The following NIPSNAP2 variants were observed in gnomAD, a reference collection of about 807,000 sequenced individuals.
The protein encoded by NIPSNAP2 is protein NipSnap homolog 2.
In NIPSNAP2, 42 loss-of-function variants were observed where a neutral mutation model predicts 48.4. That is an observed-to-expected ratio of 0.87 (90% CI 0.68 to 1.12). The LOEUF is 1.12. Ranked by LOEUF, NIPSNAP2 falls within the 50% of genes most tolerant of loss-of-function variation. The pLI, the probability that NIPSNAP2 is intolerant of heterozygous loss-of-function variation, is 0.00. For missense variants in NIPSNAP2, 314 were observed against 347.3 expected (o/e 0.90, Z 0.76); for synonymous variants, 158 against 126.6 (o/e 1.25, Z -1.67).
intron 1 of NIPSNAP2, among the ~76,000 whole-genome samples, chr7:55,972,840 C>T (rs953931097): frequency 3.3e-5 from 5 of 152,072 alleles, no homozygotes; most frequent in African/African-American, 7.2e-5. Context: ...TGGTGGTTCA[C>T]GCCTATAATC....
chr7:55,991,821 C>CACATAG, intron 7 of NIPSNAP2: 1 of 264,304 alleles, frequency 3.8e-6, no homozygotes, highest in South Asian at 4.3e-5. Flanking sequence ...TATATTTTGG[C>CACATAG]ACATAGGTAA....
At chr7:55,990,238 T>C (rs954513324) in intron 7 of NIPSNAP2, among the ~76,000 whole-genome samples, 2 of 150,464 alleles carry the variant, frequency 1.3e-5, no homozygotes, top group African/African-American at 4.9e-5. Flanking sequence ...TTTCTTTTTT[T>C]TTTTTTTTGA....
At position 55,978,168 on chromosome 7, in the gene NIPSNAP2, G is replaced by T; in HGVS notation, c.135G>T (p.Trp45Cys). 3.7e-6 allele frequency: 6 copies of T among 1,614,136 alleles called. No homozygotes were observed. The highest frequency in any genetic ancestry group is 5.1e-6 in the Non-Finnish European group (6 of 1,180,016). The change falls in exon 2 of 10, where the codon TGG (tryptophan) becomes TGT (cysteine). Residue 45 changes from tryptophan (W) to cysteine (C), a missense_variant. Physicochemically the swap from Trp to Cys is radical, Grantham distance 215. Around this residue, in one of 2 missense-constraint regions of NIPSNAP2, gnomAD observed 198 missense variants for 185.5 expected, o/e 1.07. Coordinates refer to ENST00000322090, the MANE Select transcript of NIPSNAP2 (RefSeq NM_001483.3). ...GCAACAGATCTCGAGAAGACAGCTG[G>T]CTAAAATCCTTATTTGTCCGGAAAG... ...SSSNRSREDS[W>C]LKSLFVRKVD...
intron 8 of NIPSNAP2, among the ~76,000 whole-genome samples, chr7:55,997,142 G>A (rs1055482898): frequency 6.7e-6 from 1 of 149,756 alleles, no homozygotes; most frequent in African/African-American, 2.5e-5. Context: ...CTGGTTGACA[G>A]AGTGACCTTG....
chr7:55,996,155 G>A (rs530870369), intron 8 of NIPSNAP2, among the ~76,000 whole-genome samples: 5 of 151,952 alleles, frequency 3.3e-5, no homozygotes, highest in African/African-American at 4.8e-5. Flanking sequence ...GCATGGAGGC[G>A]CATGCCTGTA....
At chr7:55,991,167 C>T (rs987413101) in intron 7 of NIPSNAP2, among the ~76,000 whole-genome samples, 1 of 152,142 alleles carries the variant, frequency 6.6e-6, no homozygotes, top group African/African-American at 2.4e-5. Context: ...CTGTCTCCAA[C>T]AAATAGTTCT....
At chr7:55,987,946 C>T (rs772734293) in intron 7 of NIPSNAP2, among the ~76,000 whole-genome samples, 5 of 152,064 alleles carry the variant, frequency 3.3e-5, no homozygotes, top group Non-Finnish European at 5.9e-5. Flanking sequence ...TCAATGTTAA[C>T]GTGTTTTTTT....
intron 1 of NIPSNAP2, among the ~76,000 whole-genome samples, chr7:55,976,847 A>G (rs1459891805): frequency 2.0e-5 from 3 of 152,176 alleles, no homozygotes; most frequent in African/African-American, 7.2e-5. Flanking sequence ...ACAGTGAGCT[A>G]TCGCACCACC....
chr7:55,991,993 A>G (rs1005661492), intron 7 of NIPSNAP2: 3 of 158,812 alleles, frequency 1.9e-5, no homozygotes, highest in African/African-American at 4.8e-5. Flanking sequence ...TTTTCTTCTG[A>G]ATAGAGTTAG....
In NIPSNAP2 at chr7:55,981,541, C is replaced by G; in HGVS notation, c.347C>G (p.Thr116Arg). The stretch of plus-strand genomic sequence containing the variant: ...TGTACTTTGGTGGGGACTTGGAACA[C>G]GTGGTATGGCGAGCAGGACCAAGCT... ...YPCTLVGTWN[T>R]WYGEQDQAVH... Residue 116 changes from threonine (T) to arginine (R), a missense_variant, in exon 4 of 10, where the codon ACG (threonine) becomes AGG (arginine). Transcript: ENST00000322090. The G allele has an allele frequency of 1.2e-6, 2 of 1,613,794 alleles. No individual in the cohort carries two copies. Among genetic ancestry groups the G allele is most frequent in the Non-Finnish European group, 8.5e-7 (1 of 1,179,800 alleles).
At chr7:55,965,792 G>T (rs1436863453) in intron 1 of NIPSNAP2, among the ~76,000 whole-genome samples, 1 of 152,130 alleles carries the variant, frequency 6.6e-6, no homozygotes, top group East Asian at 1.9e-4. Context: ...TGTTGGTCAG[G>T]CTGATCTCGA....
At chr7:55,985,108 A>G (rs1217979904) in intron 7 of NIPSNAP2, among the ~76,000 whole-genome samples, 2 of 152,176 alleles carry the variant, frequency 1.3e-5, no homozygotes, top group Non-Finnish European at 2.9e-5. Context: ...CACATGGCCA[A>G]TCTTGTTTAG....
At chr7:55,966,087 A>G (rs1474148095) in intron 1 of NIPSNAP2, among the ~76,000 whole-genome samples, 1 of 152,178 alleles carries the variant, frequency 6.6e-6, no homozygotes, top group Non-Finnish European at 1.5e-5. Context: ...CTTACCAGTA[A>G]TTCAGGAGGG....
chr7:55,966,454 G>A (rs1041392694), intron 1 of NIPSNAP2, among the ~76,000 whole-genome samples: 4 of 151,944 alleles, frequency 2.6e-5, no homozygotes, highest in Admixed American at 1.3e-4. Flanking sequence ...TAATAAATAA[G>A]TACATAAATA....
chr7:55,980,798 C>T (rs533678353), intron 3 of NIPSNAP2: 2 of 152,398 alleles, frequency 1.3e-5, no homozygotes, highest in African/African-American at 4.8e-5. Flanking sequence ...ACGTGACACC[C>T]CTCCCATCCC....
chr7:55,995,222 G>A (rs565942427), intron 8 of NIPSNAP2, among the ~76,000 whole-genome samples: 1 of 144,944 alleles, frequency 6.9e-6, no homozygotes, highest in African/African-American at 2.6e-5. Flanking sequence ...AGGAATAAGG[G>A]GTAAAGCAAG....
chr7:55,966,175 AACAG>A (rs1191819611), intron 1 of NIPSNAP2, among the ~76,000 whole-genome samples: 3 of 152,188 alleles, frequency 2.0e-5, no homozygotes, highest in African/African-American at 7.2e-5. Flanking sequence ...TGGAAACGCA[AACAG>A]ACAGTTGGCA....
chr7:55,981,075 G>A (rs1787205550), intron 3 of NIPSNAP2: 1 of 152,714 alleles, frequency 6.5e-6, no homozygotes, highest in African/African-American at 2.4e-5. Flanking sequence ...TTTCTTCTGT[G>A]TTCTTTTCTA....
At chr7:55,967,858 C>T (rs1353782272) in intron 1 of NIPSNAP2, among the ~76,000 whole-genome samples, 1 of 151,976 alleles carries the variant, frequency 6.6e-6, no homozygotes, top group African/African-American at 2.4e-5. Flanking sequence ...CCATGTTGCC[C>T]AGGCTGGTCT....
Sources: allele counts gnomAD v4.1 joint callset (sites outside exome capture counted in the v4.1 genomes callset), GRCh38; gene constraint gnomAD v4.1.1; regional missense constraint gnomAD v4.1.1; transcripts MANE v1.5; gene names NCBI Gene and HGNC (gene_info 2026-07-23, HGNC 2026-07-21).